FHL1: variants seen among roughly 807,000 people sequenced by gnomAD.
FHL1 encodes the protein four and a half LIM domains 1, also known as four and a half LIM domains protein 1.
FHL1 carries 1 observed loss-of-function variant against 20.3 expected under a neutral mutation model. The observed-to-expected ratio is 0.05, with a 90% CI of 0.02 to 0.23. FHL1 has a LOEUF of 0.23. Among genes scored for constraint, FHL1 ranks in the 10% least tolerant of loss-of-function variants. The probability of loss-of-function intolerance (pLI) is 1.00; values close to 1 mark genes in which losing one functional copy is unlikely to be tolerated. For synonymous variants in FHL1, 82 were observed against 88.9 expected (o/e 0.92, Z 0.44); for missense variants, 177 against 234.0 (o/e 0.76, Z 1.59).
rs17284031 is a variant in FHL1 at position 136,206,155 on chromosome X, C to T, written c.23-252C>T. ...CACAGTTGATATATCTGAGCAGGGG[C>T]TTCTACCATCTCCCCAGGGAATCAC... On this transcript the variant is annotated intron_variant, in intron 1 of 5. Transcript: ENST00000370683. 17,052 of 441,390 alleles carry T rather than the reference C, an allele frequency of 0.039. 299 individuals are homozygous for T. The highest frequency in any genetic ancestry group is 0.077 in the Middle Eastern group (123 of 1,596). 36.4% of individuals were successfully genotyped at this position (441,390 alleles called of 1,213,427 possible).
chrX:136,206,377 G>A (rs1318797979), intron 1 of FHL1, 30 bp from the exon 2 acceptor site: 2 of 1,209,463 alleles, frequency 1.7e-6, no homozygotes, highest in Non-Finnish European at 2.2e-6. Flanking sequence ...ATTTCCTGTG[G>A]TCATTTGTCC....
At chrX:136,178,945 C>T (rs777902611) in intron 2 of FHL1, among the ~76,000 whole-genome samples, 52 of 110,394 alleles carry the variant, frequency 4.7e-4, no homozygotes, top group African/African-American at 1.3e-3. Flanking sequence ...TTAGTAGAGA[C>T]GGGGTTTCAC....
At chrX:136,168,487 T>G (rs1214202307), upstream of FHL1, among the ~76,000 whole-genome samples, 1 of 112,096 alleles carries the variant, frequency 8.9e-6, no homozygotes, top group Non-Finnish European at 1.9e-5. Flanking sequence ...AATATGAAGA[T>G]ACTGTCTCTA....
intron 2 of FHL1, among the ~76,000 whole-genome samples, chrX:136,183,539 ATTATT>A (rs995891478): frequency 4.5e-5 from 5 of 112,101 alleles, no homozygotes; most frequent in Non-Finnish European, 9.4e-5. Flanking sequence ...AAGTTTATGT[ATTATT>A]TTATTAGCGT....
intron 2 of FHL1, among the ~76,000 whole-genome samples, chrX:136,184,349 A>G (rs2073235657): frequency 1.8e-5 from 2 of 112,045 alleles, no homozygotes; most frequent in African/African-American, 6.5e-5. Context: ...AAACCATGTC[A>G]GTTGCTTGAA....
At chrX:136,178,635 A>C (rs1195031332) in intron 2 of FHL1, among the ~76,000 whole-genome samples, 1 of 111,579 alleles carries the variant, frequency 9.0e-6, no homozygotes, top group Non-Finnish European at 1.9e-5. Flanking sequence ...ACAACAACAA[A>C]ACCCAAACCA....
chrX:136,146,757 G>A (rs1442341923), upstream of FHL1: 2 of 329,682 alleles, frequency 6.1e-6, no homozygotes, highest in South Asian at 2.6e-5. Context: ...ACATGGCGAG[G>A]GCTCAGTAAA....
intron 1 of FHL1, among the ~76,000 whole-genome samples, chrX:136,162,677 A>G (rs2072604754): frequency 9.0e-6 from 1 of 111,476 alleles, no homozygotes; most frequent in Non-Finnish European, 1.9e-5. Context: ...GGGCCCCGCC[A>G]TCTGTGTCCT....
At position 136,209,950 on chromosome X, in the gene FHL1, C is replaced by T. The variant is rs758552293; in HGVS notation, c.816C>T (p.Ser272=). 9.1e-6 allele frequency: 11 copies of T among 1,208,862 alleles called. No individual in the cohort carries two copies. Among genetic ancestry groups the T allele is most frequent in the African/African-American group, 7.0e-5 (4 of 56,742 alleles). The change falls in exon 6 of 6, where the codon TCC becomes TCT. Residue 272 remains serine, a synonymous_variant. Transcript: ENST00000370683. ...HDYCFHCKKC[S]VNLANKRFVF... ...ACTGCTTCCACTGCAAAAAATGCTC[C>T]GTGAATCTGGCCAACAAGCGCTTTG...
rs370711671 is a variant in FHL1 at position 136,187,755 on chromosome X, T to G, written c.-27+17775T>G. The stretch of plus-strand genomic sequence containing the variant: ...AGGTCCAGGATTTCTTTGGGGGTGA[T>G]GAAAATGCAGAATCAGATGGTGGTA... On this transcript the variant is annotated intron_variant, in intron 2 of 6. Transcript: ENST00000394153. 1.9e-4 allele frequency among the ~76,000 whole-genome samples: 21 copies of G among 111,876 alleles called. 1 individual carries two copies. Among genetic ancestry groups the G allele is most frequent in the African/African-American group, 5.2e-4 (16 of 30,805 alleles).
chrX:136,171,607 T>C (rs1409967490), intron 2 of FHL1, among the ~76,000 whole-genome samples: 1 of 112,772 alleles, frequency 8.9e-6, no homozygotes, highest in Non-Finnish European at 1.9e-5. Flanking sequence ...AGTAATTCCA[T>C]AGCAATCTGC....
chrX:136,181,533 T>G (rs1233928691), intron 2 of FHL1, among the ~76,000 whole-genome samples: 1 of 112,043 alleles, frequency 8.9e-6, no homozygotes, highest in Non-Finnish European at 1.9e-5. Context: ...CAGGGCTTCT[T>G]TAATAATGCC....
chrX:136,163,626 G>T (rs755848478), intron 1 of FHL1, among the ~76,000 whole-genome samples: 2 of 111,847 alleles, frequency 1.8e-5, no homozygotes, highest in Non-Finnish European at 3.8e-5. Flanking sequence ...GATGGTTGCT[G>T]GGGTGACAGC....
chrX:136,191,363 T>A, intron 2 of FHL1, among the ~76,000 whole-genome samples: 1 of 112,043 alleles, frequency 8.9e-6, no homozygotes, highest in Admixed American at 9.4e-5. Flanking sequence ...TTATGTACTT[T>A]CAGTCCTCTG....
chrX:136,204,256 A>G (rs2073785385), intron 1 of FHL1, among the ~76,000 whole-genome samples: 1 of 112,753 alleles, frequency 8.9e-6, no homozygotes, highest in African/African-American at 3.2e-5. Context: ...ACAAGAAAGC[A>G]AGTCTTTGTT....
At chrX:136,163,099 TC>T (rs1451952835) in intron 1 of FHL1, among the ~76,000 whole-genome samples, 1 of 112,120 alleles carries the variant, frequency 8.9e-6, no homozygotes, top group African/African-American at 3.2e-5. Flanking sequence ...GGAGGAGCTC[TC>T]CCGGTTTAAT....
intron 1 of FHL1, among the ~76,000 whole-genome samples, chrX:136,160,412 T>C (rs2072534693): frequency 8.9e-6 from 1 of 111,812 alleles, no homozygotes; most frequent in Admixed American, 9.5e-5. Flanking sequence ...AGAGTTCGCC[T>C]GTTTAGTTTT....
chrX:136,209,313 A>T, intron 5 of FHL1: 1 of 1,211,014 alleles, frequency 8.3e-7, no homozygotes, highest in Non-Finnish European at 1.1e-6. Context: ...GCCACGGGAA[A>T]CGCTTGCCTC....
At chrX:136,197,324 A>G (rs1032152773) in intron 1 of FHL1, among the ~76,000 whole-genome samples, 190 bp downstream of exon 1, 4 of 112,675 alleles carry the variant, frequency 3.6e-5, no homozygotes, top group African/African-American at 1.3e-4. Flanking sequence ...TTCAAGTACA[A>G]TGAACAGTTT....
Sources: allele counts gnomAD v4.1 joint callset (sites outside exome capture counted in the v4.1 genomes callset), GRCh38; gene constraint gnomAD v4.1.1; transcripts MANE v1.5; gene names NCBI Gene and HGNC (gene_info 2026-07-23, HGNC 2026-07-21).